The following CDK13 variants were observed in gnomAD, a reference collection of about 807,000 sequenced individuals.
CDK13 encodes cyclin dependent kinase 13, also known as cyclin-dependent kinase 13.
CDK13 carries 40 observed loss-of-function variants against 137.6 expected under a neutral mutation model. The ratio of observed to expected loss-of-function variants is 0.29; its 90% CI spans 0.23 to 0.38. CDK13 has a LOEUF of 0.38. CDK13 is among the 10% of genes least tolerant of loss of function. The pLI is 1.00. For synonymous variants in CDK13, 869 were observed against 760.1 expected, an observed-to-expected ratio of 1.14 and a Z score of -2.36; for missense variants, 1,704 against 1,951.8, an observed-to-expected ratio of 0.87 and a Z score of 2.39.
At chr7:40,049,935 A>T (rs189267087) in intron 7 of CDK13, among the ~76,000 whole-genome samples, 175 of 152,250 alleles carry the variant, frequency 1.1e-3, no homozygotes, top group Non-Finnish European at 2.6e-4. Context: ...TAAAGACTTG[A>T]ATAGTATTTC....
intron 11 of CDK13, 116 bp from the exon 12 acceptor site, chr7:40,088,010 C>A: frequency 1.3e-6 from 1 of 749,356 alleles, no homozygotes; most frequent in Non-Finnish European, 2.2e-6. Flanking sequence ...CAGAGCCATT[C>A]TATGAAGTCT....
intron 1 of CDK13, among the ~76,000 whole-genome samples, chr7:39,972,055 CT>C (rs1371524984): frequency 6.6e-6 from 1 of 152,230 alleles, no homozygotes; most frequent in Non-Finnish European, 1.5e-5. Flanking sequence ...CCCTTCTACT[CT>C]TCTCACCTGC....
intron 9 of CDK13, among the ~76,000 whole-genome samples, chr7:40,064,577 T>A (rs943196139): frequency 6.6e-6 from 1 of 152,048 alleles, no homozygotes; most frequent in African/African-American, 2.4e-5. Context: ...GTTTTTACTA[T>A]AGGGTACAGC....
intron 5 of CDK13, among the ~76,000 whole-genome samples, chr7:40,035,422 G>A (rs1164673043): frequency 6.6e-6 from 1 of 152,060 alleles, no homozygotes; most frequent in Non-Finnish European, 1.5e-5. Context: ...AGCTTCATCT[G>A]TATTTGCAGT....
chr7:40,037,689 T>C (rs1349616087), intron 5 of CDK13, among the ~76,000 whole-genome samples: 2 of 152,154 alleles, frequency 1.3e-5, no homozygotes, highest in African/African-American at 4.8e-5. Flanking sequence ...AATTTCAGAG[T>C]ACAGGATTTA....
intron 5 of CDK13, among the ~76,000 whole-genome samples, chr7:40,014,452 CTTTTTTTTT>C (rs70996871): frequency 8.4e-6 from 1 of 118,704 alleles, no homozygotes; most frequent in Admixed American, 8.5e-5. Context: ...ATTTCTCTCT[CTTTTTTTTT>C]TTTTTTTTTT....
chr7:40,006,484 T>C (rs753841466), intron 5 of CDK13, among the ~76,000 whole-genome samples: 5 of 152,218 alleles, frequency 3.3e-5, no homozygotes, highest in Non-Finnish European at 5.9e-5. Flanking sequence ...TAAAATAATA[T>C]TTAATTAAAT....
At chr7:39,988,371 A>G (rs1479391050) in intron 2 of CDK13, 113 bp downstream of exon 2, 5 of 694,836 alleles carry the variant, frequency 7.2e-6, no homozygotes, top group Non-Finnish European at 4.7e-6. Context: ...GAAAAAGACT[A>G]CAAGTGAATG....
chr7:40,089,711 AGAGAGAGAGAGAGT>A (rs1786873648), intron 12 of CDK13, among the ~76,000 whole-genome samples: 1 of 141,716 alleles, frequency 7.1e-6, no homozygotes, highest in African/African-American at 2.9e-5. Context: ...AGAGAGAGAG[AGAGAGAGAGAGAGT>A]GTGTGTGTGT....
At chr7:40,040,820 T>C (rs1427646806) in intron 5 of CDK13, among the ~76,000 whole-genome samples, 1 of 152,188 alleles carries the variant, frequency 6.6e-6, no homozygotes, top group African/African-American at 2.4e-5. Context: ...TTAACCTGTT[T>C]AACTGTAATA....
chr7:39,969,883 A>G (rs1406734019), intron 1 of CDK13, among the ~76,000 whole-genome samples: 2 of 152,146 alleles, frequency 1.3e-5, no homozygotes, highest in African/African-American at 4.8e-5. Context: ...AATTCTGTGT[A>G]TATGCTAGAT....
chr7:39,998,830 T>C (rs1255762019), intron 3 of CDK13: 1 of 152,114 alleles, frequency 6.6e-6, no homozygotes, highest in African/African-American at 2.4e-5. Context: ...TTAATATCTT[T>C]TGTACTCTCT....
chr7:40,078,975 A>T (rs1786606284), intron 11 of CDK13, 124 bp downstream of exon 11: 3 of 280,204 alleles, frequency 1.1e-5, no homozygotes, highest in Non-Finnish European at 1.7e-5. Flanking sequence ...TAATAAAGGA[A>T]AGATAAAACA....
chr7:40,065,831 T>G (rs547157021), intron 9 of CDK13, among the ~76,000 whole-genome samples: 38 of 152,310 alleles, frequency 2.5e-4, no homozygotes, highest in African/African-American at 9.1e-4. Context: ...GTCTTGGGTT[T>G]ATTCACACAT....
chr7:40,032,548 A>G (rs1192701451), intron 5 of CDK13, among the ~76,000 whole-genome samples: 1 of 152,168 alleles, frequency 6.6e-6, no homozygotes, highest in Non-Finnish European at 1.5e-5. Context: ...ATCCATTTTG[A>G]GTTAATTTTT....
intron 5 of CDK13, among the ~76,000 whole-genome samples, chr7:40,007,665 T>G: frequency 6.6e-6 from 1 of 152,136 alleles, no homozygotes; most frequent in Non-Finnish European, 1.5e-5. Flanking sequence ...TGACCTCAAG[T>G]GATCCACCCA....
intron 5 of CDK13, among the ~76,000 whole-genome samples, chr7:40,042,632 C>T (rs1785636163): frequency 6.6e-6 from 1 of 150,656 alleles, no homozygotes; most frequent in Non-Finnish European, 1.5e-5. Context: ...GCATGTGCCC[C>T]ACATCCAGCT....
chr7:40,004,039 C>T (rs1156440323), intron 5 of CDK13, among the ~76,000 whole-genome samples: 2 of 152,172 alleles, frequency 1.3e-5, no homozygotes, highest in African/African-American at 2.4e-5. Flanking sequence ...GTTTTCTTCA[C>T]TGTTGTGCCT....
intron 9 of CDK13, among the ~76,000 whole-genome samples, chr7:40,074,511 A>G (rs1786497748): frequency 6.9e-6 from 1 of 145,596 alleles, no homozygotes; most frequent in African/African-American, 2.7e-5. Flanking sequence ...CGACAGAGCA[A>G]GACACCATCT....
Sources: gnomAD v4.1 joint callset for allele counts (sites outside exome capture counted in the v4.1 genomes callset) on GRCh38, gnomAD v4.1.1 for gene constraint, MANE v1.5 for transcripts, NCBI Gene and HGNC (gene_info 2026-07-23, HGNC 2026-07-21) for gene names.